The following ECHDC2 variants were observed in gnomAD, a reference collection of about 807,000 sequenced individuals.
ECHDC2 encodes the protein enoyl-CoA hydratase domain-containing protein 2, mitochondrial.
Under a neutral mutation model 40.6 loss-of-function variants are expected in ECHDC2, and 34 were observed. The observed-to-expected ratio is 0.84, with a 90% CI of 0.64 to 1.11. The LOEUF (loss-of-function observed/expected upper bound fraction) is 1.11. Among genes scored for constraint, ECHDC2 ranks in the 50% most tolerant of loss-of-function variants. The pLI is 0.00. For synonymous variants in ECHDC2, 162 were observed against 166.6 expected, an observed-to-expected ratio of 0.97 and a Z score of 0.21; for missense variants, 392 against 400.7, an observed-to-expected ratio of 0.98 and a Z score of 0.19.
chr1:52,900,513 C>T (rs972208868), intron 7 of ECHDC2: 1 of 152,110 alleles, frequency 6.6e-6, no homozygotes, highest in Non-Finnish European at 1.5e-5. Flanking sequence ...AGATTAGCCT[C>T]GAAAGATATT....
At chr1:52,912,056 C>T in intron 1 of ECHDC2, 1 of 1,390,632 alleles carries the variant, frequency 7.2e-7, no homozygotes, top group South Asian at 1.6e-5. Flanking sequence ...ACAACAGTGA[C>T]TACCACAGTA....
rs1646847376 is a variant in ECHDC2 at position 52,899,415 on chromosome 1, C to T, written c.703-191G>A. ...GTTCTTTTTCTATCATGAAAGAAGCCAGACTCTGATCCCTGAACACCTGGG... is the reference window on the plus strand; with the variant it reads ...GTTCTTTTTCTATCATGAAAGAAGCTAGACTCTGATCCCTGAACACCTGGG... On this transcript the variant is annotated intron_variant, in intron 7 of 9. Transcript: ENST00000371522. 3 of 606,760 alleles carry T rather than the reference C, an allele frequency of 4.9e-6. No homozygotes were observed. The African/African-American group carries it at 5.6e-5, about 11-fold the overall frequency. The allele number at this position is 606,760 out of a possible 1,614,324, so 37.6% of individuals were successfully genotyped here. A position where few individuals can be genotyped will look rare whatever the true frequency, so the allele number is the denominator to read the frequency against.
At chr1:52,899,136 C>T (rs750599101) in intron 8 of ECHDC2, 38 bp downstream of exon 8, 5 of 1,612,754 alleles carry the variant, frequency 3.1e-6, no homozygotes, top group Non-Finnish European at 2.5e-6. Flanking sequence ...CCGCGACCAA[C>T]TTTAGTGGAC....
chr1:52,917,645 CA>C (rs1651009306), intron 1 of ECHDC2: 1 of 455,980 alleles, frequency 2.2e-6, no homozygotes, highest in Non-Finnish European at 4.4e-6. Context: ...CCATTAATTA[CA>C]GTCATGCACA....
intron 1 of ECHDC2, among the ~76,000 whole-genome samples, chr1:52,920,015 C>G (rs1380000373): frequency 6.6e-6 from 1 of 152,182 alleles, no homozygotes; most frequent in African/African-American, 2.4e-5. Flanking sequence ...CTAGAAGAGC[C>G]AGTGATTACC....
At chr1:52,897,925 T>C (rs1404141710) in intron 8 of ECHDC2, 1 of 249,004 alleles carries the variant, frequency 4.0e-6, no homozygotes, top group Non-Finnish European at 8.0e-6. Flanking sequence ...GTGAAATAAT[T>C]TGTCAAAGTT....
At position 52,900,390 on chromosome 1, in the gene ECHDC2, C is replaced by T. The variant is rs576865381; in HGVS notation, c.703-1166G>A. 9.2e-4 allele frequency: 140 copies of T among 152,090 alleles called. 1 individual carries two copies. The highest frequency in any genetic ancestry group is 3.3e-3 in the African/African-American group (137 of 41,488). The allele number at this position is 152,090 out of a possible 1,614,324, so 9.4% of individuals were successfully genotyped here. ...CCAAACCTTTGTTTTGTTTTATAAA[C>T]GAAGGTTTATAAATGTTTTGTTATA... On this transcript the variant is annotated intron_variant, in intron 7 of 9. Coordinates refer to ENST00000371522, the MANE Select transcript of ECHDC2 (RefSeq NM_001198961.2).
intron 5 of ECHDC2, chr1:52,905,882 T>C: frequency 5.0e-6 from 1 of 200,170 alleles, no homozygotes; most frequent in East Asian, 1.5e-4. Context: ...GAAGCTACTT[T>C]CATGCCTGGA....
intron 1 of ECHDC2, chr1:52,912,744 C>T (rs1173611890): frequency 6.6e-6 from 1 of 152,004 alleles, no homozygotes; most frequent in African/African-American, 2.4e-5. Context: ...CAGAGTTTCA[C>T]TCTTGTTACC....
intron 3 of ECHDC2, among the ~76,000 whole-genome samples, chr1:52,911,225 C>T (rs1649408004): frequency 6.6e-6 from 1 of 152,168 alleles, no homozygotes; most frequent in African/African-American, 2.4e-5. Flanking sequence ...GATCTACCCG[C>T]CCCAGCCTCC....
chr1:52,918,433 C>T (rs935933131), intron 1 of ECHDC2, among the ~76,000 whole-genome samples: 38 of 151,934 alleles, frequency 2.5e-4, no homozygotes, highest in African/African-American at 8.9e-4. Flanking sequence ...TAGGTATTCC[C>T]GATTGTTATC....
In ECHDC2 at chr1:52,914,454, G is replaced by C. The variant is rs574538274; in HGVS notation, c.122-2664C>G. Among the ~76,000 whole-genome samples, 4 of 152,262 alleles carry C rather than the reference G, an allele frequency of 2.6e-5. No individual in the cohort carries two copies. The highest frequency in any genetic ancestry group is 5.9e-5 in the Non-Finnish European group (4 of 68,022). On this transcript the variant is annotated intron_variant, in intron 1 of 9. Transcript: ENST00000371522. This position sits in a 1 kb window ranked among gnomAD's most constrained non-coding sequence, Gnocchi z 4.0. ...GAGTGGCAGAGAAGAGGGCCCAGGT[G>C]TGGGACTGCAGGGTGCCTTCCAGAA...
At chr1:52,899,150 A>T in intron 8 of ECHDC2, 24 bp downstream of exon 8, 2 of 1,614,090 alleles carry the variant, frequency 1.2e-6, no homozygotes, top group Non-Finnish European at 1.7e-6. Flanking sequence ...AGTGGACCCA[A>T]GTCCCAACCC....
At position 52,914,033 on chromosome 1, in the gene ECHDC2, A is replaced by G. The variant is rs1342356464; in HGVS notation, c.122-2243T>C. ...ATATATTTGCTGTGTGCTGGCCTCTACTAGACACCGTGATTCCAGAGACCA... is the reference window on the plus strand; with the variant it reads ...ATATATTTGCTGTGTGCTGGCCTCTGCTAGACACCGTGATTCCAGAGACCA... On this transcript the variant is annotated intron_variant, in intron 1 of 9. Coordinates refer to ENST00000371522, the MANE Select transcript of ECHDC2 (RefSeq NM_001198961.2). This position sits in a 1 kb window ranked among gnomAD's most constrained non-coding sequence, Gnocchi z 4.0. 2 of 1,182,102 alleles carry G rather than the reference A, an allele frequency of 1.7e-6. No individual in the cohort carries two copies. The highest frequency in any genetic ancestry group is 2.2e-6 in the Non-Finnish European group (2 of 894,458). The allele number at this position is 1,182,102 out of a possible 1,614,324, so 73.2% of individuals were successfully genotyped here. A position where few individuals can be genotyped will look rare whatever the true frequency, so the allele number is the denominator to read the frequency against.
chr1:52,915,131 C>T (rs1571992342), intron 1 of ECHDC2: 4 of 439,998 alleles, frequency 9.1e-6, no homozygotes, highest in Admixed American at 4.8e-5. Flanking sequence ...GAGCTCACAC[C>T]CTTATCATCC....
rs778930934 is a variant in ECHDC2 at position 52,907,966 on chromosome 1, G to A, written c.278-12C>T. ...CTTCAGGTCTGCACCTGCAGATGGCGAGGGTTGGTACCAGCCCTTAGGAAA... is the reference window on the plus strand; with the variant it reads ...CTTCAGGTCTGCACCTGCAGATGGCAAGGGTTGGTACCAGCCCTTAGGAAA... On this transcript the variant is annotated splice_polypyrimidine_tract_variant and intron_variant, in intron 3 of 9. Transcript: ENST00000371522. 1.6e-5 allele frequency: 26 copies of A among 1,613,610 alleles called. 2 individuals are homozygous for A. In the Middle Eastern group the frequency reaches 5.0e-4, roughly 31 times the overall value.
intron 1 of ECHDC2, chr1:52,912,071 T>G (rs1649650795): frequency 7.3e-7 from 1 of 1,361,208 alleles, no homozygotes; most frequent in South Asian, 1.7e-5. Context: ...ACAGTAGCCC[T>G]TGCCTGCTTC....
intron 3 of ECHDC2, among the ~76,000 whole-genome samples, chr1:52,910,351 C>CATTTTTTT (rs1649085006): frequency 2.7e-5 from 1 of 36,790 alleles, no homozygotes; most frequent in Non-Finnish European, 4.9e-5. Flanking sequence ...ACCACAATTT[C>CATTTTTTT]GTTTTTTTTT....
chr1:52,921,328 G>T (rs1052294167), intron 1 of ECHDC2: 2 of 1,081,730 alleles, frequency 1.8e-6, no homozygotes, highest in Admixed American at 7.1e-5. Flanking sequence ...AAGGGCCTTT[G>T]AAGAGACCGA....
Sources: gnomAD v4.1 joint callset for allele counts (sites outside exome capture counted in the v4.1 genomes callset) on GRCh38, gnomAD v4.1.1 for gene constraint, Gnocchi (gnomAD v3.1) non-coding constraint, MANE v1.5 for transcripts, NCBI Gene and HGNC (gene_info 2026-07-23, HGNC 2026-07-21) for gene names.